Variants in PCDH15 observed in about 807,000 individuals in gnomAD.
The protein encoded by PCDH15 is protocadherin-15.
A neutral mutation model predicts 178.5 loss-of-function variants in PCDH15; 129 were observed. The ratio of observed to expected loss-of-function variants is 0.72; its 90% CI spans 0.63 to 0.84. The LOEUF (loss-of-function observed/expected upper bound fraction) is 0.84. PCDH15 is among the 40% of genes least tolerant of loss of function. PCDH15 has a pLI of 0.00. For synonymous variants in PCDH15, 800 were observed against 732.0 expected, an observed-to-expected ratio of 1.09 and a Z score of -1.50; for missense variants, 2,230 against 2,099.9, an observed-to-expected ratio of 1.06 and a Z score of -1.21.
At chr10:55,575,585 T>C (rs1208172963) in intron 2 of PCDH15, 1 of 152,178 alleles carries the variant, frequency 6.6e-6, no homozygotes, top group East Asian at 1.9e-4. Context: ...AGTAGATTTA[T>C]TTCTAATTGA....
chr10:55,214,113 T>C (rs1840638063), intron 1 of PCDH15, among the ~76,000 whole-genome samples: 1 of 151,980 alleles, frequency 6.6e-6, no homozygotes, highest in African/African-American at 2.4e-5. Flanking sequence ...TCAAAGAACA[T>C]ATTCTCTATG....
Position 54,358,348 on chromosome 10 carries a change from A to G in PCDH15, c.474+10772T>C, listed in dbSNP as rs1035508815. Among the ~76,000 whole-genome samples, 36 of 152,082 alleles carry G rather than the reference A, an allele frequency of 2.4e-4. 1 individual carries two copies. The highest frequency in any genetic ancestry group is 6.5e-4 in the African/African-American group (27 of 41,518). On this transcript the variant is annotated intron_variant, in intron 5 of 37. Coordinates refer to ENST00000644397, the MANE Select transcript of PCDH15 (RefSeq NM_001384140.1). ...AAAACAACCCCATCAAAAAGTGGGC[A>G]AAGGACATGAACAGACACTTCTCAA... is the stretch of plus-strand genomic sequence containing the variant.
At chr10:54,697,828 C>G (rs2095256632) in intron 1 of PCDH15, among the ~76,000 whole-genome samples, 1 of 151,784 alleles carries the variant, frequency 6.6e-6, no homozygotes, top group Non-Finnish European at 1.5e-5. Context: ...GAAAAAATAG[C>G]CAGGAAGACT....
chr10:54,750,721 T>G (rs1440319344), intron 1 of PCDH15, among the ~76,000 whole-genome samples: 1 of 152,130 alleles, frequency 6.6e-6, no homozygotes, highest in East Asian at 1.9e-4. Flanking sequence ...GAAAAATTGT[T>G]TTCTAAAATA....
chr10:55,574,499 C>T (rs1842461936), intron 2 of PCDH15, among the ~76,000 whole-genome samples: 1 of 152,002 alleles, frequency 6.6e-6, no homozygotes. Flanking sequence ...TCCAAGCCTC[C>T]TGCTATTGGC....
At chr10:54,450,543 T>C (rs1464595361) in intron 3 of PCDH15, among the ~76,000 whole-genome samples, 1 of 151,844 alleles carries the variant, frequency 6.6e-6, no homozygotes, top group Admixed American at 6.6e-5. Flanking sequence ...AGCAGGCTGG[T>C]CTATGGCTTC....
chr10:55,396,151 TTTC>T (rs1282897178), intron 2 of PCDH15, among the ~76,000 whole-genome samples: 7 of 152,314 alleles, frequency 4.6e-5, no homozygotes, highest in Non-Finnish European at 1.0e-4. Context: ...GAAAAGCTGT[TTTC>T]TTTCTCAGGT....
rs148539760 is a variant in PCDH15, at chr10:54,402,654, T to G, written c.158-23712A>C. ...TTTCAAATTTTTTCATTGTTATATC[T>G]GTTATGATTATCTGTAATCAGTGGT... On this transcript the variant is annotated intron_variant, in intron 3 of 37. Coordinates refer to ENST00000644397, the MANE Select transcript of PCDH15 (RefSeq NM_001384140.1). Among the ~76,000 whole-genome samples the G allele has an allele frequency of 3.3e-3, 503 of 152,134 alleles. 4 individuals are homozygous for G. The highest frequency in any genetic ancestry group is 4.8e-3 in the Non-Finnish European group (325 of 67,964).
At chr10:54,307,835 A>G (rs2060649137) in intron 8 of PCDH15, among the ~76,000 whole-genome samples, 1 of 152,076 alleles carries the variant, frequency 6.6e-6, no homozygotes, top group Admixed American at 6.6e-5. Flanking sequence ...ATTCAAATTA[A>G]TAACTAATTT....
intron 2 of PCDH15, among the ~76,000 whole-genome samples, chr10:55,071,467 C>T (rs957211762): frequency 6.6e-6 from 1 of 152,080 alleles, no homozygotes; most frequent in Non-Finnish European, 1.5e-5. Context: ...ATAAAACAGA[C>T]TTTAAACCAA....
At chr10:54,334,842 T>G (rs1230681857) in intron 6 of PCDH15, among the ~76,000 whole-genome samples, 1 of 152,204 alleles carries the variant, frequency 6.6e-6, no homozygotes, top group Non-Finnish European at 1.5e-5. Context: ...TAAATTCTCT[T>G]GTTCTTTGAC....
intron 1 of PCDH15, among the ~76,000 whole-genome samples, chr10:54,790,537 T>A (rs553123960): frequency 1.9e-3 from 292 of 151,940 alleles, no homozygotes; most frequent in Non-Finnish European, 2.9e-3. Flanking sequence ...CTTTGCAGGC[T>A]GCTTATTTTT....
intron 2 of PCDH15, among the ~76,000 whole-genome samples, chr10:54,916,281 C>T (rs1326807927): frequency 1.3e-5 from 2 of 152,156 alleles, no homozygotes; most frequent in African/African-American, 4.8e-5. Context: ...ATTTTATTTA[C>T]CTGAAAATAT....
At chr10:55,014,139 T>C (rs912861082) in intron 2 of PCDH15, among the ~76,000 whole-genome samples, 1 of 152,090 alleles carries the variant, frequency 6.6e-6, no homozygotes, top group African/African-American at 2.4e-5. Context: ...AGAAAGTAGT[T>C]CTGCATTTAA....
chr10:54,622,591 TAA>T (rs2093388969), intron 2 of PCDH15, among the ~76,000 whole-genome samples: 1 of 44,780 alleles, frequency 2.2e-5, no homozygotes, highest in African/African-American at 8.4e-5. Context: ...ATAATATATA[TAA>T]TATATAATAT....
chr10:55,027,478 G>T (rs563093772), intron 2 of PCDH15, among the ~76,000 whole-genome samples: 1 of 151,956 alleles, frequency 6.6e-6, no homozygotes, highest in Non-Finnish European at 1.5e-5. Context: ...TTGACAGCTA[G>T]AAATTTCTGT....
Position 53,828,567 on chromosome 10 carries a change from T to C in PCDH15, c.4209A>G (p.Lys1403=), listed in dbSNP as rs1177380840. ...TGTAAAATGTTAATTATACTTACACTTTAAACCTGTTTGGGAAAGCAAGAG... is the reference window on the plus strand; with the variant it reads ...TGTAAAATGTTAATTATACTTACACCTTAAACCTGTTTGGGAAAGCAAGAG... The part of the protein sequence containing the change: ...LVVLVSYRQF[K]VRQAECTKTA... The change falls in exon 31 of 38, where the codon AAA becomes AAG. Residue 1403 remains lysine (K), a splice_region_variant and synonymous_variant. Coordinates refer to ENST00000644397, the MANE Select transcript of PCDH15 (RefSeq NM_001384140.1). 3 of 1,552,302 alleles carry C rather than the reference T, an allele frequency of 1.9e-6. No homozygotes were observed. Among genetic ancestry groups the C allele is most frequent in the Non-Finnish European group, 2.7e-6 (3 of 1,124,592 alleles).
chr10:54,507,083 T>C (rs2081236803), intron 3 of PCDH15, among the ~76,000 whole-genome samples: 1 of 151,908 alleles, frequency 6.6e-6, no homozygotes, highest in Admixed American at 6.6e-5. Flanking sequence ...TAATAAACTA[T>C]TGCTTTTCCT....
At chr10:54,013,954 A>G (rs2092665276) in intron 20 of PCDH15, among the ~76,000 whole-genome samples, 1 of 152,098 alleles carries the variant, frequency 6.6e-6, no homozygotes, top group African/African-American at 2.4e-5. Flanking sequence ...TAAAAGATAA[A>G]TGAATTTAGG....
Sources: gnomAD v4.1 joint callset for allele counts (sites outside exome capture counted in the v4.1 genomes callset) on GRCh38, gnomAD v4.1.1 for gene constraint, MANE v1.5 for transcripts, NCBI Gene and HGNC (gene_info 2026-07-23, HGNC 2026-07-21) for gene names.